ANO2: variants seen among roughly 807,000 people sequenced by gnomAD.
ANO2 encodes the protein anoctamin 2.
A neutral mutation model predicts 124.2 loss-of-function variants in ANO2; 101 were observed. That is an observed-to-expected ratio of 0.81 (90% CI 0.69 to 0.96). The LOEUF is 0.96. ANO2 is among the 40% of genes least tolerant of loss of function. ANO2 has a pLI of 0.00. For synonymous variants in ANO2, 486 were observed against 482.5 expected (o/e 1.01, Z -0.09); for missense variants, 1,293 against 1,274.5 (o/e 1.01, Z -0.22).
chr12:5,764,238 C>T (rs1324754303), intron 10 of ANO2, among the ~76,000 whole-genome samples: 3 of 152,214 alleles, frequency 2.0e-5, no homozygotes, highest in East Asian at 3.8e-4. Flanking sequence ...CAAAGTCACA[C>T]AGCTAGTACG....
At chr12:5,625,930 A>G (rs1945375899) in intron 16 of ANO2, among the ~76,000 whole-genome samples, 1 of 152,162 alleles carries the variant, frequency 6.6e-6, no homozygotes, top group South Asian at 2.1e-4. Context: ...ATAAAATGGT[A>G]CCTTCCTTCA....
At chr12:5,885,186 A>G (rs1938801061) in intron 3 of ANO2, among the ~76,000 whole-genome samples, 1 of 152,230 alleles carries the variant, frequency 6.6e-6, no homozygotes, top group Admixed American at 6.5e-5. Context: ...GGGGTCTGGA[A>G]GTATAAACAC....
At chr12:5,639,784 G>T (rs1946236276) in intron 15 of ANO2, among the ~76,000 whole-genome samples, 1 of 152,164 alleles carries the variant, frequency 6.6e-6, no homozygotes. Context: ...GAGCAGAGGA[G>T]TGATGTGAGT....
chr12:5,693,995 GTGGTC>G (rs751056288), intron 14 of ANO2, among the ~76,000 whole-genome samples: 16 of 152,172 alleles, frequency 1.1e-4, no homozygotes, highest in Non-Finnish European at 2.1e-4. Context: ...CTATTCATTT[GTGGTC>G]TGTATCTTCT....
At chr12:5,854,238 T>C in intron 3 of ANO2, 97 bp from the exon 4 acceptor site, 1 of 1,086,222 alleles carries the variant, frequency 9.2e-7, no homozygotes, top group Non-Finnish European at 1.3e-6. Context: ...CCCAACCCGT[T>C]GTTCTTCAGT....
intron 14 of ANO2, among the ~76,000 whole-genome samples, chr12:5,673,869 C>G (rs1948119401): frequency 6.6e-6 from 1 of 152,126 alleles, no homozygotes; most frequent in Admixed American, 6.5e-5. Flanking sequence ...TTCAGTCCAG[C>G]CCATGGACAA....
chr12:5,663,738 G>T (rs1294543610), intron 14 of ANO2, among the ~76,000 whole-genome samples: 5 of 152,154 alleles, frequency 3.3e-5, no homozygotes, highest in African/African-American at 1.2e-4. Context: ...CAACTCCCTA[G>T]TGAGTGCTGA....
chr12:5,941,974 G>C (rs1341865837), intron 1 of ANO2, among the ~76,000 whole-genome samples: 1 of 152,198 alleles, frequency 6.6e-6, no homozygotes, highest in Non-Finnish European at 1.5e-5. Context: ...CAAGTTGAGA[G>C]AATGTCACCA....
intron 20 of ANO2, among the ~76,000 whole-genome samples, chr12:5,589,586 C>CG (rs1170058170): frequency 6.6e-5 from 10 of 152,070 alleles, no homozygotes; most frequent in East Asian, 1.9e-4. Flanking sequence ...TATGCCCTGG[C>CG]GGGGGGGTGC....
At chr12:5,776,927 G>A (rs996184506) in intron 10 of ANO2, among the ~76,000 whole-genome samples, 1 of 152,194 alleles carries the variant, frequency 6.6e-6, no homozygotes, top group African/African-American at 2.4e-5. Flanking sequence ...TCGAGGAGAG[G>A]AGCCTCTACA....
At chr12:5,922,987 A>G (rs1941790458) in intron 1 of ANO2, among the ~76,000 whole-genome samples, 183 bp from the exon 2 acceptor site, 1 of 151,958 alleles carries the variant, frequency 6.6e-6, no homozygotes, top group African/African-American at 2.4e-5. Flanking sequence ...AGCATGGAAA[A>G]GGAAGTGCGG....
At position 5,695,213 on chromosome 12, in the gene ANO2, C is replaced by T. The variant is rs147077550; in HGVS notation, c.1545+37307G>A. On this transcript the variant is annotated intron_variant, in intron 14 of 24. Transcript: ENST00000682330. ...CCAAGCACCACTCCTGACTCAATAC[C>T]GAATTGGCCTCAACAGGAATTAGGC... Among the ~76,000 whole-genome samples the T allele has an allele frequency of 2.0e-3, 299 of 152,182 alleles. 1 individual carries two copies. Among genetic ancestry groups the T allele is most frequent in the African/African-American group, 7.0e-3 (291 of 41,508 alleles).
chr12:5,919,273 G>A (rs1402354130), intron 3 of ANO2, among the ~76,000 whole-genome samples: 1 of 152,182 alleles, frequency 6.6e-6, no homozygotes, highest in East Asian at 1.9e-4. Flanking sequence ...TGATGCACAG[G>A]TCTGAGGAAG....
Position 5,563,295 on chromosome 12 carries a change from C to G in ANO2, c.*4G>C. 3 of 1,595,086 alleles carry G rather than the reference C, an allele frequency of 1.9e-6. No individual in the cohort carries two copies. The highest frequency in any genetic ancestry group is 2.6e-6 in the Non-Finnish European group (3 of 1,175,112). ...GTGCCCTCCTCTGCTGCAGGCTGAA[C>G]TGCTCACACATTGGTGTGCTGAGAG... On this transcript the variant is annotated 3_prime_UTR_variant, in exon 25 of 25. Coordinates refer to ENST00000682330, the MANE Select transcript of ANO2 (RefSeq NM_001364791.2).
chr12:5,944,974 A>AAAAAC (rs949563154), intron 1 of ANO2, among the ~76,000 whole-genome samples: 3 of 151,826 alleles, frequency 2.0e-5, no homozygotes, highest in Non-Finnish European at 2.9e-5. Context: ...GAGTTAAAAA[A>AAAAAC]AAAACAAAAC....
rs1948656209 is a variant in ANO2, at chr12:5,685,229, A to C, written c.1546-37428T>G. On this transcript the variant is annotated intron_variant, in intron 14 of 24. Transcript: ENST00000682330. ...AGAAGGGCTTGGTCCTCAGGTCATC[A>C]GGCTCAATGGGCTGTCTCTGAACCT... Among the ~76,000 whole-genome samples the C allele has an allele frequency of 2.0e-5, 3 of 152,188 alleles. No homozygotes were observed. The South Asian group carries it at 6.2e-4, about 32-fold the overall frequency.
intron 14 of ANO2, among the ~76,000 whole-genome samples, chr12:5,725,377 A>G (rs910332117): frequency 6.6e-6 from 1 of 152,072 alleles, no homozygotes; most frequent in African/African-American, 2.4e-5. Flanking sequence ...CAAGGACCCC[A>G]CTTGTAAATG....
At chr12:5,632,180 CCTCT>C (rs1292671234) in intron 16 of ANO2, among the ~76,000 whole-genome samples, 7 of 152,004 alleles carry the variant, frequency 4.6e-5, no homozygotes, top group African/African-American at 1.7e-4. Flanking sequence ...TTCAGCAGTC[CCTCT>C]CTGAGCTCTC....
intron 10 of ANO2, among the ~76,000 whole-genome samples, chr12:5,770,242 TG>T (rs34720592): frequency 0.1 from 15,167 of 152,224 alleles, 959 homozygotes; most frequent in African/African-American, 0.17. Flanking sequence ...TTATATGATT[TG>T]CCCCAGTTCA....
Sources: allele counts gnomAD v4.1 joint callset (sites outside exome capture counted in the v4.1 genomes callset), GRCh38; gene constraint gnomAD v4.1.1; transcripts MANE v1.5; gene names NCBI Gene and HGNC (gene_info 2026-07-23, HGNC 2026-07-21).